The following TAF4B variants were observed in gnomAD, a reference collection of about 807,000 sequenced individuals.
The protein encoded by TAF4B is TATA-box binding protein associated factor 4b, also known as transcription initiation factor TFIID subunit 4B.
TAF4B carries 38 observed loss-of-function variants against 86.4 expected under a neutral mutation model. The ratio of observed to expected loss-of-function variants is 0.44; its 90% CI spans 0.34 to 0.58. TAF4B has a LOEUF of 0.58. TAF4B is among the 20% of genes least tolerant of loss of function. The probability of loss-of-function intolerance (pLI) is 0.02; values close to 1 mark genes in which losing one functional copy is unlikely to be tolerated. For missense variants in TAF4B, 988 were observed against 1,027.6 expected (o/e 0.96, Z 0.53); for synonymous variants, 388 against 391.2 (o/e 0.99, Z 0.10).
chr18:26,332,253 C>T (rs922039296), intron 12 of TAF4B, among the ~76,000 whole-genome samples: 17 of 152,196 alleles, frequency 1.1e-4, no homozygotes, highest in African/African-American at 3.6e-4. Flanking sequence ...TCAACTTTAC[C>T]TGCAAAGATA....
intron 1 of TAF4B, among the ~76,000 whole-genome samples, chr18:26,228,932 A>C (rs773744925): frequency 2.4e-4 from 36 of 152,196 alleles, no homozygotes; most frequent in Non-Finnish European, 4.7e-4. Flanking sequence ...GGTAGCAAAT[A>C]AGGAAAGAGG....
At chr18:26,358,032 C>T (rs1051611089) in intron 14 of TAF4B, among the ~76,000 whole-genome samples, 2 of 152,046 alleles carry the variant, frequency 1.3e-5, no homozygotes, top group African/African-American at 4.8e-5. Context: ...TTTTCTTTCC[C>T]CCATCTCCAG....
chr18:26,272,473 AT>A (rs901830021), intron 3 of TAF4B, among the ~76,000 whole-genome samples: 3 of 149,920 alleles, frequency 2.0e-5, no homozygotes, highest in Non-Finnish European at 4.5e-5. Flanking sequence ...TGAAGGACAG[AT>A]TTTTTTTTTA....
At chr18:26,289,364 G>A (rs2056564773) in intron 7 of TAF4B, among the ~76,000 whole-genome samples, 1 of 152,128 alleles carries the variant, frequency 6.6e-6, no homozygotes, top group Non-Finnish European at 1.5e-5. Context: ...CAAATCTGGG[G>A]TTCATCTAAC....
chr18:26,270,473 A>T (rs913249728), intron 3 of TAF4B, among the ~76,000 whole-genome samples: 38 of 152,276 alleles, frequency 2.5e-4, no homozygotes, highest in Admixed American at 1.3e-4. Context: ...TGTAGTTTTT[A>T]AAAAAATTAC....
chr18:26,334,689 T>C (rs2057076597), intron 12 of TAF4B, among the ~76,000 whole-genome samples: 1 of 152,192 alleles, frequency 6.6e-6, no homozygotes, highest in African/African-American at 2.4e-5. Flanking sequence ...TTTCTACTTA[T>C]AATTTTAGAA....
At chr18:26,265,429 C>T (rs1366812587) in intron 2 of TAF4B, 114 bp downstream of exon 2, 1 of 1,235,272 alleles carries the variant, frequency 8.1e-7, no homozygotes, top group East Asian at 2.7e-5. Context: ...TTCTATTCAG[C>T]TTTTTAGGTC....
intron 14 of TAF4B, among the ~76,000 whole-genome samples, chr18:26,373,057 A>G (rs1047567427): frequency 7.2e-5 from 11 of 152,068 alleles, no homozygotes; most frequent in South Asian, 2.1e-4. Flanking sequence ...GTAGGGGCCT[A>G]CTATCTTGGT....
chr18:26,387,522 A>G (rs957122744), intron 14 of TAF4B, among the ~76,000 whole-genome samples: 3 of 152,246 alleles, frequency 2.0e-5, no homozygotes, highest in African/African-American at 7.2e-5. Flanking sequence ...AGTTAAAGTT[A>G]CATCTGAGTT....
chr18:26,389,983 C>T lies in TAF4B; in HGVS notation c.2560C>T (p.Arg854Ter). The change falls in exon 15 of 15, where the codon CGA becomes TGA. Residue 854 changes from arginine (R) to a stop codon, truncating the protein, a stop_gained. Coordinates refer to ENST00000269142, the MANE Select transcript of TAF4B (RefSeq NM_005640.3). LOFTEE classifies it high-confidence loss of function. ...MEQEREMKYS[R>*]ALYLALLK ...ACAGGAACGGGAGATGAAGTATTCT[C>T]GAGCTCTATACCTGGCCCTTCTGAA... is the stretch of plus-strand genomic sequence containing the variant. 1.2e-6 allele frequency: 2 copies of T among 1,614,056 alleles called. No individual in the cohort carries two copies. Among genetic ancestry groups the T allele is most frequent in the Non-Finnish European group, 1.7e-6 (2 of 1,179,968 alleles).
At chr18:26,282,150 G>C (rs2056458054) in intron 6 of TAF4B, 90 bp downstream of exon 6, 1 of 1,067,876 alleles carries the variant, frequency 9.4e-7, no homozygotes, top group East Asian at 2.5e-5. Context: ...GACAGCAATT[G>C]AATGTGAAGA....
At chr18:26,238,918 C>T (rs1223584673) in intron 1 of TAF4B, among the ~76,000 whole-genome samples, 3 of 152,288 alleles carry the variant, frequency 2.0e-5, no homozygotes, top group South Asian at 4.1e-4. Context: ...AGGACATGAA[C>T]TCATCCTTTT....
intron 1 of TAF4B, among the ~76,000 whole-genome samples, chr18:26,242,486 G>C (rs918640427): frequency 6.6e-6 from 1 of 152,156 alleles, no homozygotes; most frequent in South Asian, 2.1e-4. Flanking sequence ...GTCTCTGCAC[G>C]TGAGATGGGT....
chr18:26,257,001 T>C (rs968704795), intron 1 of TAF4B, among the ~76,000 whole-genome samples: 3 of 152,196 alleles, frequency 2.0e-5, no homozygotes, highest in Non-Finnish European at 2.9e-5. Flanking sequence ...TATTGAGGTT[T>C]GTTTTGTGTC....
chr18:26,240,382 G>A (rs2055818504), intron 1 of TAF4B, among the ~76,000 whole-genome samples: 1 of 152,160 alleles, frequency 6.6e-6, no homozygotes, highest in Non-Finnish European at 1.5e-5. Flanking sequence ...TTGGCTCTCT[G>A]TTTGTCTGTT....
intron 6 of TAF4B, among the ~76,000 whole-genome samples, chr18:26,284,258 C>G (rs2056484124): frequency 6.6e-6 from 1 of 152,182 alleles, no homozygotes; most frequent in African/African-American, 2.4e-5. Context: ...AGAGTTAGTG[C>G]TATACTCTGG....
chr18:26,291,081 T>G (rs966917132), intron 7 of TAF4B, among the ~76,000 whole-genome samples: 3 of 152,208 alleles, frequency 2.0e-5, no homozygotes, highest in African/African-American at 7.2e-5. Context: ...AGGAATGTTG[T>G]GTTTCTTGTT....
rs948128221 is a variant in TAF4B, at chr18:26,257,548, G to GTT, written c.344-7621_344-7620dup. Among the ~76,000 whole-genome samples the GTT allele has an allele frequency of 9.2e-5, 14 of 152,068 alleles. No individual in the cohort carries two copies. In the East Asian group the frequency reaches 1.9e-3, roughly 21 times the overall value. ...TACATTCACATTTGCATTTAATGTT[G>GTT]TTATATATATATAGTTGGACTTAGC... is the stretch of plus-strand genomic sequence containing the variant. On this transcript the variant is annotated intron_variant, in intron 1 of 14. Coordinates refer to ENST00000269142, the MANE Select transcript of TAF4B (RefSeq NM_005640.3).
intron 1 of TAF4B, among the ~76,000 whole-genome samples, chr18:26,263,856 T>C (rs369162659): frequency 6.6e-6 from 1 of 152,316 alleles, no homozygotes; most frequent in East Asian, 1.9e-4. Flanking sequence ...TAGCTGGGAC[T>C]ACGGGCTACA....
Sources: allele counts gnomAD v4.1 joint callset (sites outside exome capture counted in the v4.1 genomes callset), GRCh38; gene constraint gnomAD v4.1.1; transcripts MANE v1.5; gene names NCBI Gene and HGNC (gene_info 2026-07-23, HGNC 2026-07-21).